The following MDGA2 variants were observed in gnomAD, a reference collection of about 807,000 sequenced individuals.
The protein encoded by MDGA2 is MAM domain containing glycosylphosphatidylinositol anchor 2, also known as MAM domain-containing glycosylphosphatidylinositol anchor protein 2.
A neutral mutation model predicts 117.8 loss-of-function variants in MDGA2; 40 were observed. The observed-to-expected ratio is 0.34, with a 90% CI of 0.26 to 0.44. The LOEUF is 0.44. Among genes scored for constraint, MDGA2 ranks in the 20% least tolerant of loss-of-function variants. MDGA2 has a pLI of 1.00. For synonymous variants in MDGA2, 452 were observed against 439.0 expected, an observed-to-expected ratio of 1.03 and a Z score of -0.37; for missense variants, 1,123 against 1,250.6, an observed-to-expected ratio of 0.90 and a Z score of 1.54.
chr14:47,612,362 T>C (rs940427513), intron 1 of MDGA2, among the ~76,000 whole-genome samples: 24 of 152,164 alleles, frequency 1.6e-4, no homozygotes, highest in African/African-American at 5.3e-4. Context: ...GGAGGTTACA[T>C]ATACTCATGG....
intron 1 of MDGA2, among the ~76,000 whole-genome samples, chr14:47,469,048 C>T (rs1012007478): frequency 3.2e-4 from 48 of 151,988 alleles, no homozygotes; most frequent in African/African-American, 1.1e-3. Context: ...AAATTATATA[C>T]GATGACCTAC....
intron 8 of MDGA2, among the ~76,000 whole-genome samples, chr14:47,024,407 C>G (rs1888400376): frequency 6.6e-6 from 1 of 152,268 alleles, no homozygotes; most frequent in Admixed American, 6.5e-5. Flanking sequence ...AAACAGAATA[C>G]TCAAGAAACA....
rs756171983 is a variant in MDGA2 at position 47,210,215 on chromosome 14, A to G, written c.595+7806T>C. ...CACTGCTTGTTCTGAACATAATGAA[A>G]TGCAGCAATCTACCTAAGTGACATG... is the stretch of plus-strand genomic sequence containing the variant. On this transcript the variant is annotated intron_variant, in intron 3 of 16. Transcript: ENST00000399232. Among the ~76,000 whole-genome samples the G allele has an allele frequency of 2.0e-5, 3 of 152,200 alleles. No homozygotes were observed. In the East Asian group the frequency reaches 5.8e-4, roughly 29 times the overall value.
intron 1 of MDGA2, among the ~76,000 whole-genome samples, chr14:47,627,936 G>A (rs1226512826): frequency 7.2e-5 from 11 of 152,080 alleles, no homozygotes; most frequent in African/African-American, 1.7e-4. Context: ...AACGAACTCC[G>A]GACACGCCAC....
chr14:47,372,836 T>C (rs1260810922), intron 1 of MDGA2, among the ~76,000 whole-genome samples: 1 of 152,014 alleles, frequency 6.6e-6, no homozygotes, highest in Non-Finnish European at 1.5e-5. Context: ...TAGGCAAATG[T>C]TCATATACAT....
intron 1 of MDGA2, among the ~76,000 whole-genome samples, chr14:47,395,779 A>G (rs1054560463): frequency 6.6e-6 from 1 of 152,200 alleles, no homozygotes; most frequent in Non-Finnish European, 1.5e-5. Context: ...ATACATAATT[A>G]TAACTTTTAA....
At chr14:47,444,873 G>A (rs1030658817) in intron 1 of MDGA2, among the ~76,000 whole-genome samples, 1 of 152,112 alleles carries the variant, frequency 6.6e-6, no homozygotes, top group African/African-American at 2.4e-5. Context: ...AAAGGGAGGA[G>A]TTGTACATTG....
chr14:47,351,506 T>C (rs913977907), intron 1 of MDGA2, among the ~76,000 whole-genome samples: 1 of 152,176 alleles, frequency 6.6e-6, no homozygotes, highest in Non-Finnish European at 1.5e-5. Flanking sequence ...GGATTCAACA[T>C]CTTTAAGATT....
chr14:47,119,059 T>A lies in MDGA2; in HGVS notation c.925+12655A>T, dbSNP rs1004207010. On this transcript the variant is annotated intron_variant, in intron 5 of 16. Coordinates refer to ENST00000399232, the MANE Select transcript of MDGA2 (RefSeq NM_001113498.3). ...GTCCAGCCTACATATTCTCTTTTTT[T>A]TTTTTTTTTGAGACGGAGTCTCGCT... 1.3e-3 allele frequency among the ~76,000 whole-genome samples: 192 copies of A among 150,880 alleles called. 2 individuals are homozygous for A. The highest frequency in any genetic ancestry group is 4.4e-3 in the African/African-American group (182 of 41,118).
rs936505411 is a variant in MDGA2, at chr14:47,559,471, T to C, written c.280+115046A>G. 4.6e-5 allele frequency among the ~76,000 whole-genome samples: 7 copies of C among 152,208 alleles called. No individual in the cohort carries two copies. In the East Asian group the frequency reaches 1.3e-3, roughly 29 times the overall value. On this transcript the variant is annotated intron_variant, in intron 1 of 16. Coordinates refer to ENST00000399232, the MANE Select transcript of MDGA2 (RefSeq NM_001113498.3). ...TTCTATGGTGTATATGCATCACATT[T>C]TCTTTATCCATTCTACTATTCATGG...
At chr14:47,119,440 T>G (rs6572407) in intron 5 of MDGA2, among the ~76,000 whole-genome samples, 63,988 of 151,934 alleles carry the variant, frequency 0.42, 14,431 homozygotes, top group African/African-American at 0.6. Context: ...CTAACATTTT[T>G]CTTAAACACA....
intron 1 of MDGA2, among the ~76,000 whole-genome samples, chr14:47,487,077 C>G (rs548795448): frequency 6.6e-6 from 1 of 152,286 alleles, no homozygotes; most frequent in African/African-American, 2.4e-5. Flanking sequence ...AAAATAACTG[C>G]TCATTTTGAA....
At chr14:47,394,023 T>C (rs980849168) in intron 1 of MDGA2, among the ~76,000 whole-genome samples, 2 of 152,110 alleles carry the variant, frequency 1.3e-5, no homozygotes, top group African/African-American at 2.4e-5. Context: ...AAATACAAAA[T>C]TGCTTGTGAA....
At chr14:47,005,951 G>A (rs1887694647) in intron 8 of MDGA2, among the ~76,000 whole-genome samples, 1 of 151,402 alleles carries the variant, frequency 6.6e-6, no homozygotes, top group Admixed American at 6.6e-5. Context: ...AATTATAAAT[G>A]GATGCTGTCG....
At chr14:47,408,672 T>C (rs1892310669) in intron 1 of MDGA2, among the ~76,000 whole-genome samples, 1 of 152,172 alleles carries the variant, frequency 6.6e-6, no homozygotes, top group African/African-American at 2.4e-5. Context: ...TCTATATTTG[T>C]GTAATTTGTC....
intron 1 of MDGA2, among the ~76,000 whole-genome samples, chr14:47,463,429 T>C (rs1893533645): frequency 6.6e-6 from 1 of 152,250 alleles, no homozygotes; most frequent in Non-Finnish European, 1.5e-5. Context: ...AATAATAAAA[T>C]AAATAATATG....
intron 5 of MDGA2, among the ~76,000 whole-genome samples, chr14:47,116,165 TA>T (rs551987035): frequency 0.01 from 1,520 of 151,960 alleles, 7 homozygotes; most frequent in Middle Eastern, 0.054. Flanking sequence ...ACATTTACAA[TA>T]ACACCAAAAA....
intron 8 of MDGA2, among the ~76,000 whole-genome samples, chr14:47,000,408 T>TA (rs1887482714): frequency 1.4e-5 from 2 of 138,470 alleles, no homozygotes; most frequent in Non-Finnish European, 3.1e-5. Flanking sequence ...TAAATATATA[T>TA]TTATATATAT....
intron 10 of MDGA2, 53 bp downstream of exon 10, chr14:46,919,959 A>G: frequency 1.4e-6 from 2 of 1,465,862 alleles, no homozygotes; most frequent in South Asian, 3.0e-5. Flanking sequence ...TGATAACAAC[A>G]AGGTCTTCAC....
Sources: gnomAD v4.1 joint callset for allele counts (sites outside exome capture counted in the v4.1 genomes callset) on GRCh38, gnomAD v4.1.1 for gene constraint, MANE v1.5 for transcripts, NCBI Gene and HGNC (gene_info 2026-07-23, HGNC 2026-07-21) for gene names.